The following APBA1 variants were observed in gnomAD, a reference collection of about 807,000 sequenced individuals.
APBA1 encodes amyloid-beta A4 precursor protein-binding family A member 1.
In APBA1, 55 loss-of-function variants were observed where a neutral mutation model predicts 86.6. The ratio of observed to expected loss-of-function variants is 0.64; its 90% CI spans 0.51 to 0.80. APBA1 has a LOEUF of 0.80. Ranked by LOEUF, APBA1 falls within the 30% of genes least tolerant of loss-of-function variation. The pLI is 0.00. For missense variants in APBA1, 1,090 were observed against 1,183.0 expected (o/e 0.92, Z 1.15); for synonymous variants, 511 against 493.9 (o/e 1.03, Z -0.46).
At chr9:69,447,952 G>T (rs1250753725) in intron 10 of APBA1, among the ~76,000 whole-genome samples, 1 of 152,094 alleles carries the variant, frequency 6.6e-6, no homozygotes, top group Non-Finnish European at 1.5e-5. Context: ...TGCACCCAAG[G>T]TGTTTAATAA....
chr9:69,601,196 C>T (rs1424155893), intron 1 of APBA1, among the ~76,000 whole-genome samples: 1 of 152,150 alleles, frequency 6.6e-6, no homozygotes, highest in Non-Finnish European at 1.5e-5. Context: ...TTAATCTATT[C>T]CAAAGCCGAA....
chr9:69,649,672 A>G (rs1823459188), intron 1 of APBA1, among the ~76,000 whole-genome samples: 1 of 152,152 alleles, frequency 6.6e-6, no homozygotes, highest in Non-Finnish European at 1.5e-5. Context: ...CAGTTGATAC[A>G]GTGCGAACAC....
At chr9:69,501,649 C>G (rs1005104686) in intron 2 of APBA1, among the ~76,000 whole-genome samples, 1 of 150,532 alleles carries the variant, frequency 6.6e-6, no homozygotes, top group Non-Finnish European at 1.5e-5. Context: ...CACACACACA[C>G]ACACACACAC....
chr9:69,609,115 A>C (rs977344688), intron 1 of APBA1, among the ~76,000 whole-genome samples: 3 of 152,194 alleles, frequency 2.0e-5, no homozygotes, highest in African/African-American at 7.2e-5. Context: ...CGATTTTTAA[A>C]TGCTCACACT....
At chr9:69,458,463 T>G (rs1296936635) in intron 5 of APBA1, among the ~76,000 whole-genome samples, 1 of 152,184 alleles carries the variant, frequency 6.6e-6, no homozygotes, top group Admixed American at 6.5e-5. Flanking sequence ...CAAGTTTTGG[T>G]TCTGTTAATT....
chr9:69,450,082 T>TTTTTTA (rs1834980710), intron 9 of APBA1, among the ~76,000 whole-genome samples: 3 of 125,554 alleles, frequency 2.4e-5, no homozygotes, highest in African/African-American at 5.7e-5. Flanking sequence ...TTTTTTTTTT[T>TTTTTTA]AATTTCTTCA....
At chr9:69,589,348 A>G (rs537383015) in intron 1 of APBA1, among the ~76,000 whole-genome samples, 26 of 152,304 alleles carry the variant, frequency 1.7e-4, no homozygotes, top group African/African-American at 6.3e-4. Flanking sequence ...TGCTCATGGG[A>G]AAAGACCAAA....
chr9:69,543,275 TTCCCCCCC>T (rs1230393541), intron 1 of APBA1, among the ~76,000 whole-genome samples: 4 of 10,842 alleles, frequency 3.7e-4, no homozygotes, highest in African/African-American at 1.2e-3. Context: ...GTGCTGGGAT[TTCCCCCCC>T]CCCCCCCCGG....
chr9:69,657,510 T>C (rs1326264201), intron 1 of APBA1, among the ~76,000 whole-genome samples: 1 of 152,108 alleles, frequency 6.6e-6, no homozygotes, highest in African/African-American at 2.4e-5. Context: ...AAGACAGAAG[T>C]CCCCCTGCTT....
intron 1 of APBA1, among the ~76,000 whole-genome samples, chr9:69,664,588 A>G (rs538416836): frequency 2.0e-5 from 3 of 152,260 alleles, no homozygotes; most frequent in East Asian, 3.8e-4. Context: ...GAAGGATGTC[A>G]TATTTCTAAA....
intron 1 of APBA1, among the ~76,000 whole-genome samples, chr9:69,659,389 A>G (rs983422752): frequency 6.6e-6 from 1 of 152,226 alleles, no homozygotes. Flanking sequence ...CACCTGAATC[A>G]TCCACTTTCA....
In APBA1 at chr9:69,441,027, T is replaced by C; in HGVS notation, c.2270A>G (p.Tyr757Cys). Residue 757 changes from tyrosine (Y) to cysteine (C), a missense_variant, in exon 11 of 13, where the codon TAC (tyrosine) becomes TGC (cysteine). Coordinates refer to ENST00000265381, the MANE Select transcript of APBA1 (RefSeq NM_001163.4). ...TVLIRRPDLR[Y>C]QLGFSVQNGI... is the part of the protein sequence containing the mutation. ...ATTCTGGACGCTGAAACCGAGCTGGTAGCGAAGGTCTGGTCTTCTGATTAA... is the reference window on the plus strand; with the variant it reads ...ATTCTGGACGCTGAAACCGAGCTGGCAGCGAAGGTCTGGTCTTCTGATTAA... 6.2e-7 allele frequency: 1 copy of C among 1,614,098 alleles called. No homozygotes were observed. The highest frequency in any genetic ancestry group is 8.5e-7 in the Non-Finnish European group (1 of 1,180,008).
intron 1 of APBA1, among the ~76,000 whole-genome samples, chr9:69,564,384 A>G (rs765678131): frequency 6.6e-6 from 1 of 152,230 alleles, no homozygotes; most frequent in Non-Finnish European, 1.5e-5. Flanking sequence ...TCTCTGAATT[A>G]TAAAAGGCCC....
At chr9:69,623,055 G>T (rs1204322972) in intron 1 of APBA1, among the ~76,000 whole-genome samples, 1 of 152,158 alleles carries the variant, frequency 6.6e-6, no homozygotes, top group Non-Finnish European at 1.5e-5. Flanking sequence ...CCACTAGAAA[G>T]ATCTGACATG....
At chr9:69,492,977 A>G (rs1262997373) in intron 2 of APBA1, among the ~76,000 whole-genome samples, 1 of 152,116 alleles carries the variant, frequency 6.6e-6, no homozygotes, top group Non-Finnish European at 1.5e-5. Context: ...TCACGTATGT[A>G]GAACGACACA....
chr9:69,456,373 G>C lies in APBA1; in HGVS notation c.1662C>G (p.Ile554Met). 1.9e-6 allele frequency: 3 copies of C among 1,613,754 alleles called. No individual in the cohort carries two copies. Among genetic ancestry groups the C allele is most frequent in the Non-Finnish European group, 1.7e-6 (2 of 1,179,796 alleles). ...TCCGCCGGCGGGCCATCAGCACAAC[G>C]ATGTTCCCAATGTCCGCAATGTAGG... ...TISYIADIGNIVVLMARRRMP... is the reference protein window; with the variant it reads ...TISYIADIGNMVVLMARRRMP... The change falls in exon 8 of 13, where the codon ATC (isoleucine) becomes ATG (methionine). Residue 554 changes from isoleucine (I) to methionine (M), a missense_variant. By Grantham distance (10) the Ile-to-Met change is conservative. Around this residue, in one of 6 missense-constraint regions of APBA1, gnomAD observed 103 missense variants for 91.9 expected, o/e 1.12. Transcript: ENST00000265381.
At position 69,601,453 on chromosome 9, in the gene APBA1, G is replaced by T. The variant is rs184432603; in HGVS notation, c.-70+70700C>A. Among the ~76,000 whole-genome samples the T allele has an allele frequency of 2.0e-5, 3 of 152,338 alleles. No individual in the cohort carries two copies. The East Asian group carries it at 5.8e-4, about 29-fold the overall frequency. Reference sequence around the variant, plus strand: ...AAAACCATTCCCACCACCATAACCTGCCTTTGCTGACTTGAAGGACCATAA... The same window carrying T: ...AAAACCATTCCCACCACCATAACCTTCCTTTGCTGACTTGAAGGACCATAA... On this transcript the variant is annotated intron_variant, in intron 1 of 12. Coordinates refer to ENST00000265381, the MANE Select transcript of APBA1 (RefSeq NM_001163.4).
At position 69,525,630 on chromosome 9, in the gene APBA1, T is replaced by C. The variant is rs138567956; in HGVS notation, c.-69-8351A>G. ...AATGGATTGAAAGAATCAGTATCAT[T>C]GAAATGGCCATACTACCCAAAGCAA... On this transcript the variant is annotated intron_variant, in intron 1 of 12. Transcript: ENST00000265381. Among the ~76,000 whole-genome samples the C allele has an allele frequency of 3.9e-5, 6 of 152,244 alleles. No individual in the cohort carries two copies. The East Asian group carries it at 9.6e-4, about 24-fold the overall frequency.
chr9:69,541,390 C>T (rs553538037), intron 1 of APBA1, among the ~76,000 whole-genome samples: 4 of 151,974 alleles, frequency 2.6e-5, no homozygotes, highest in African/African-American at 4.8e-5. Flanking sequence ...TTTTTGATAG[C>T]GGCCATCCTA....
Sources: allele counts gnomAD v4.1 joint callset (sites outside exome capture counted in the v4.1 genomes callset), GRCh38; gene constraint gnomAD v4.1.1; regional missense constraint gnomAD v4.1.1; transcripts MANE v1.5; gene names NCBI Gene and HGNC (gene_info 2026-07-23, HGNC 2026-07-21).